The following EPS15L1 variants were observed in gnomAD, a reference collection of about 807,000 sequenced individuals.
EPS15L1 encodes the protein epidermal growth factor receptor pathway substrate 15 like 1.
EPS15L1 carries 43 observed loss-of-function variants against 117.1 expected under a neutral mutation model. The ratio of observed to expected loss-of-function variants is 0.37; its 90% CI spans 0.29 to 0.47. The LOEUF (loss-of-function observed/expected upper bound fraction) is 0.47, where lower values mean the gene tolerates loss of function less well. Among genes scored for constraint, EPS15L1 ranks in the 20% least tolerant of loss-of-function variants. The pLI, the probability that EPS15L1 is intolerant of heterozygous loss-of-function variation, is 0.99. For missense variants in EPS15L1, 981 were observed against 1,164.0 expected, an observed-to-expected ratio of 0.84 and a Z score of 2.29; for synonymous variants, 459 against 470.5, an observed-to-expected ratio of 0.98 and a Z score of 0.32.
intron 1 of EPS15L1, among the ~76,000 whole-genome samples, chr19:16,459,134 T>C (rs1346373611): frequency 3.3e-5 from 5 of 152,186 alleles, no homozygotes; most frequent in Non-Finnish European, 5.9e-5. Context: ...AATACAGCAG[T>C]ATAATCTTAC....
At chr19:16,462,855 G>A (rs2093266823) in intron 1 of EPS15L1, among the ~76,000 whole-genome samples, 1 of 152,158 alleles carries the variant, frequency 6.6e-6, no homozygotes, top group Non-Finnish European at 1.5e-5. Context: ...AGGCCTGTTG[G>A]AACAGAGGAG....
At chr19:16,450,475 T>TTC (rs1163077159) in intron 1 of EPS15L1, among the ~76,000 whole-genome samples, 1 of 134,142 alleles carries the variant, frequency 7.5e-6, no homozygotes, top group Non-Finnish European at 1.6e-5. Flanking sequence ...CATGTCCATC[T>TTC]TCTTTTTTTT....
chr19:16,380,098 G>T (rs2092344308), intron 21 of EPS15L1, among the ~76,000 whole-genome samples: 1 of 147,346 alleles, frequency 6.8e-6, no homozygotes, highest in Non-Finnish European at 1.5e-5. Context: ...TCTGGCATCT[G>T]GTTACACAGA....
At chr19:16,363,261 C>T (rs966781324) in intron 22 of EPS15L1, among the ~76,000 whole-genome samples, 10 of 152,188 alleles carry the variant, frequency 6.6e-5, no homozygotes, top group African/African-American at 2.2e-4. Context: ...AACACGATTC[C>T]GGCGTGTTAA....
At chr19:16,424,328 C>T (rs2092847229) in intron 9 of EPS15L1, among the ~76,000 whole-genome samples, 1 of 151,860 alleles carries the variant, frequency 6.6e-6, no homozygotes, top group African/African-American at 2.4e-5. Flanking sequence ...TACCCTCCCA[C>T]CCCACCCCAC....
At chr19:16,443,513 T>A (rs1052553932) in intron 1 of EPS15L1, 3 of 151,920 alleles carry the variant, frequency 2.0e-5, no homozygotes, top group Non-Finnish European at 4.4e-5. Context: ...GTTCGAGACC[T>A]GGCCAACATG....
chr19:16,433,049 A>T (rs1486908561), intron 7 of EPS15L1, among the ~76,000 whole-genome samples: 1 of 151,760 alleles, frequency 6.6e-6, no homozygotes, highest in Non-Finnish European at 1.5e-5. Flanking sequence ...GGACTCAAGT[A>T]ATCTGCCCGC....
At chr19:16,369,520 A>T (rs779755372) in intron 22 of EPS15L1, among the ~76,000 whole-genome samples, 20 of 152,110 alleles carry the variant, frequency 1.3e-4, no homozygotes, top group Non-Finnish European at 7.4e-5. Context: ...TTAAAAGAAG[A>T]AAGTGGGGAA....
intron 1 of EPS15L1, among the ~76,000 whole-genome samples, chr19:16,457,812 T>C (rs2145161763): frequency 6.6e-6 from 1 of 152,046 alleles, no homozygotes; most frequent in Admixed American, 6.5e-5. Flanking sequence ...TTCCTTCCTC[T>C]GACCCATGAG....
chr19:16,373,929 T>C (rs1360823734), intron 22 of EPS15L1, among the ~76,000 whole-genome samples: 6 of 152,184 alleles, frequency 3.9e-5, no homozygotes, highest in Non-Finnish European at 5.9e-5. Flanking sequence ...CAGCAGCGAG[T>C]ACAATGCAGA....
chr19:16,405,307 G>A lies in EPS15L1; in HGVS notation c.1267-558C>T, dbSNP rs948860391. The stretch of plus-strand genomic sequence containing the variant: ...GCTAGAGCAAAAGGGAATGGGTGGA[G>A]GCATCAGAGGCTGCACCCCACAGGC... On this transcript the variant is annotated intron_variant, in intron 13 of 23. Transcript: ENST00000455140. The surrounding 1 kb of genome is among the most constrained non-coding windows in gnomAD (Gnocchi z 4.0). 1.3e-5 allele frequency among the ~76,000 whole-genome samples: 2 copies of A among 152,188 alleles called. No individual in the cohort carries two copies. The highest frequency in any genetic ancestry group is 2.9e-5 in the Non-Finnish European group (2 of 68,030).
intron 9 of EPS15L1, 21 bp downstream of exon 9, chr19:16,425,062 T>G (rs1301913597): frequency 6.3e-7 from 1 of 1,591,120 alleles, no homozygotes; most frequent in Admixed American, 1.7e-5. Context: ...GAGGGGGCTG[T>G]GCCCGCTGAG....
chr19:16,418,236 T>A, intron 10 of EPS15L1, 132 bp from the exon 11 acceptor site: 1 of 969,754 alleles, frequency 1.0e-6, no homozygotes, highest in Non-Finnish European at 1.5e-6. Context: ...AAGCCCCAGC[T>A]CCTTCCCTAC....
chr19:16,444,032 C>A (rs150395990), intron 1 of EPS15L1, among the ~76,000 whole-genome samples: 1 of 145,504 alleles, frequency 6.9e-6, no homozygotes, highest in African/African-American at 2.6e-5. Context: ...CCACTGCACT[C>A]CAGCCCAGGC....
intron 19 of EPS15L1, among the ~76,000 whole-genome samples, chr19:16,390,909 T>C (rs1445879598): frequency 6.6e-6 from 1 of 152,228 alleles, no homozygotes; most frequent in Non-Finnish European, 1.5e-5. Context: ...ACCATGGGGT[T>C]ACATCCTGAT....
chr19:16,367,983 G>C (rs1599529638), intron 22 of EPS15L1, among the ~76,000 whole-genome samples: 1 of 151,906 alleles, frequency 6.6e-6, no homozygotes, highest in South Asian at 2.1e-4. Flanking sequence ...GAGAGAGAGA[G>C]AGTGTGTGTG....
chr19:16,417,925 A>G (rs2144924215), intron 11 of EPS15L1, 23 bp downstream of exon 11: 1 of 1,605,206 alleles, frequency 6.2e-7, no homozygotes, highest in East Asian at 2.2e-5. Flanking sequence ...CAATACCCCC[A>G]GGGCATGACC....
intron 1 of EPS15L1, among the ~76,000 whole-genome samples, chr19:16,469,486 G>A (rs2093330270): frequency 6.6e-6 from 1 of 152,028 alleles, no homozygotes; most frequent in African/African-American, 2.4e-5. Flanking sequence ...AGCTGAGCAG[G>A]GGGACAGGGA....
intron 21 of EPS15L1, among the ~76,000 whole-genome samples, chr19:16,378,315 C>T (rs2092321449): frequency 1.3e-5 from 2 of 152,070 alleles, no homozygotes; most frequent in Non-Finnish European, 2.9e-5. Context: ...TCTGAAGTCA[C>T]CCCTCCCCTC....
Sources: gnomAD v4.1 joint callset for allele counts (sites outside exome capture counted in the v4.1 genomes callset) on GRCh38, gnomAD v4.1.1 for gene constraint, Gnocchi (gnomAD v3.1) non-coding constraint, MANE v1.5 for transcripts, NCBI Gene and HGNC (gene_info 2026-07-23, HGNC 2026-07-21) for gene names.